The following ZNF410 variants were observed in gnomAD, a reference collection of about 807,000 sequenced individuals.
The protein encoded by ZNF410 is another partner for ARF 1.
ZNF410 carries 18 observed loss-of-function variants against 54.8 expected under a neutral mutation model. The observed-to-expected ratio is 0.33, with a 90% CI of 0.23 to 0.49. The LOEUF (loss-of-function observed/expected upper bound fraction) is 0.49. Among genes scored for constraint, ZNF410 ranks in the 20% least tolerant of loss-of-function variants. ZNF410 has a pLI of 0.99. For missense variants in ZNF410, 405 were observed against 569.6 expected (o/e 0.71, Z 2.94); for synonymous variants, 191 against 207.3 (o/e 0.92, Z 0.68).
chr14:73,910,400 C>A (rs2055558595), intron 8 of ZNF410, among the ~76,000 whole-genome samples: 2 of 152,124 alleles, frequency 1.3e-5, no homozygotes, highest in Admixed American at 1.3e-4. Context: ...TAAAGTTATA[C>A]AGCAATGGAG....
chr14:73,926,192 TA>T (rs1262232074), intron 11 of ZNF410, among the ~76,000 whole-genome samples: 1 of 152,188 alleles, frequency 6.6e-6, no homozygotes, highest in Non-Finnish European at 1.5e-5. Flanking sequence ...GATACAATAT[TA>T]AAAACTATAA....
chr14:73,888,075 G>C (rs908431966), intron 1 of ZNF410, among the ~76,000 whole-genome samples: 1 of 152,226 alleles, frequency 6.6e-6, no homozygotes, highest in African/African-American at 2.4e-5. Context: ...GACCTAAACA[G>C]GGCATTACAG....
chr14:73,890,227 C>T (rs57067992), intron 1 of ZNF410, among the ~76,000 whole-genome samples: 23,082 of 150,334 alleles, frequency 0.15, 2,313 homozygotes, highest in East Asian at 0.49. Flanking sequence ...CTTGCTCTGT[C>T]GCCCAGGCTG....
chr14:73,910,861 C>G (rs375118091), intron 8 of ZNF410, among the ~76,000 whole-genome samples: 91 of 68,622 alleles, frequency 1.3e-3, no homozygotes, highest in African/African-American at 4.5e-3. Context: ...GACCCTGTCT[C>G]AAAAAAAAAA....
At position 73,891,847 on chromosome 14, in the gene ZNF410, T is replaced by A; in HGVS notation, c.-149-180T>A. On this transcript the variant is annotated intron_variant, in intron 1 of 11. Transcript: ENST00000555044. ...GTTGAAATACTGCATCAAAGCGTAG[T>A]ATTTTTATGGGTTTTGATGCCTGTT... The A allele has an allele frequency of 1.2e-5, 7 of 587,730 alleles. No individual in the cohort carries two copies. In the South Asian group the frequency reaches 1.5e-4, roughly 13 times the overall value. 36.4% of individuals were successfully genotyped at this position (587,730 alleles called of 1,614,324 possible). A position where few individuals can be genotyped will look rare whatever the true frequency, so the allele number is the denominator to read the frequency against.
rs774528448 is a variant in ZNF410, at chr14:73,909,335, C to G, written c.914-6C>G. On this transcript the variant is annotated splice_region_variant and splice_polypyrimidine_tract_variant and intron_variant, in intron 7 of 11. Transcript: ENST00000555044. ...ACTGAGTCTTTATCTCATTTTCTGTCTCTAGGAGAGAAACCTTTCCTTTGT... is the reference window on the plus strand; with the variant it reads ...ACTGAGTCTTTATCTCATTTTCTGTGTCTAGGAGAGAAACCTTTCCTTTGT... The G allele has an allele frequency of 5.0e-6, 8 of 1,612,120 alleles. No homozygotes were observed. The highest frequency in any genetic ancestry group is 2.2e-5 in the East Asian group (1 of 44,868).
rs1313915500 is a variant in ZNF410 at position 73,930,503 on chromosome 14, T to G, written c.1399-1000T>G. ...ACTGTATAAATTACCTTCATCCAAA[T>G]TAGGATCACCAAGTAAATACATCTC... On this transcript the variant is annotated intron_variant, in intron 11 of 11. Transcript: ENST00000555044. 2.6e-5 allele frequency among the ~76,000 whole-genome samples: 4 copies of G among 151,954 alleles called. No homozygotes were observed. In the East Asian group the frequency reaches 7.7e-4, roughly 29 times the overall value.
At chr14:73,914,278 A>T (rs11628268) in intron 8 of ZNF410, 49,570 of 151,794 alleles carry the variant, frequency 0.33, 9,360 homozygotes, top group Non-Finnish European at 0.42. Flanking sequence ...GGTTCAAGTG[A>T]TTCTCCTGGC....
At chr14:73,914,070 C>G (rs2055626658) in intron 8 of ZNF410, 1 of 152,186 alleles carries the variant, frequency 6.6e-6, no homozygotes. Flanking sequence ...CATGGTCTCC[C>G]TCTGTTGCTC....
At chr14:73,917,617 G>A (rs574010359) in intron 8 of ZNF410, among the ~76,000 whole-genome samples, 25 of 152,132 alleles carry the variant, frequency 1.6e-4, no homozygotes, top group Non-Finnish European at 2.6e-4. Context: ...GAGGTCAGGA[G>A]TTCAAAACCA....
At chr14:73,889,383 G>T (rs1954205835) in intron 1 of ZNF410, among the ~76,000 whole-genome samples, 2 of 141,218 alleles carry the variant, frequency 1.4e-5, no homozygotes, top group South Asian at 4.8e-4. Context: ...CACTGGCTGA[G>T]ATCGCGCCAC....
chr14:73,919,934 T>G (rs1367743577), intron 8 of ZNF410, among the ~76,000 whole-genome samples: 1 of 141,610 alleles, frequency 7.1e-6, no homozygotes, highest in African/African-American at 2.6e-5. Flanking sequence ...TACTGCAGTA[T>G]CTATAGCTTT....
rs1053941729 is a variant in ZNF410 at position 73,894,407 on chromosome 14, T to C, written c.169+475T>C. ...GATGGAAAGTCAGGCTGCAGTGACT[T>C]GAGTATACATACTTGCTTTTTTTTT... On this transcript the variant is annotated intron_variant, in intron 3 of 11. Transcript: ENST00000555044. The C allele has an allele frequency of 7.1e-6, 5 of 700,008 alleles. No individual in the cohort carries two copies. In the African/African-American group the frequency reaches 8.8e-5, roughly 12 times the overall value. The allele number at this position is 700,008 out of a possible 1,614,324, so 43.4% of individuals were successfully genotyped here. A position where few individuals can be genotyped will look rare whatever the true frequency, so the allele number is the denominator to read the frequency against.
intron 1 of ZNF410, among the ~76,000 whole-genome samples, chr14:73,889,819 CAG>C (rs1396386847): frequency 6.9e-6 from 1 of 144,060 alleles, no homozygotes; most frequent in African/African-American, 2.6e-5. Context: ...TTTCTCGACA[CAG>C]AGTCTTGCTC....
intron 9 of ZNF410, 172 bp downstream of exon 9, chr14:73,921,277 C>T: frequency 1.4e-6 from 1 of 701,294 alleles, no homozygotes. Flanking sequence ...GAATCATCTG[C>T]AACCTTTTAA....
chr14:73,925,617 A>G (rs150841607), intron 11 of ZNF410, among the ~76,000 whole-genome samples: 9,120 of 152,054 alleles, frequency 0.06, 354 homozygotes, highest in African/African-American at 0.11. Flanking sequence ...TATTAGAGAT[A>G]GGGTTTTACC....
chr14:73,926,779 T>C (rs778867212), intron 11 of ZNF410, among the ~76,000 whole-genome samples: 1 of 152,164 alleles, frequency 6.6e-6, no homozygotes, highest in Non-Finnish European at 1.5e-5. Flanking sequence ...ACATTCTGGT[T>C]TTGGCTGATT....
chr14:73,899,006 C>A (rs2055365181), intron 5 of ZNF410, among the ~76,000 whole-genome samples: 1 of 152,164 alleles, frequency 6.6e-6, no homozygotes. Context: ...TGTAGCATGT[C>A]ATGGATACTT....
At chr14:73,906,697 T>C (rs2055495757) in intron 7 of ZNF410, among the ~76,000 whole-genome samples, 1 of 151,962 alleles carries the variant, frequency 6.6e-6, no homozygotes, top group African/African-American at 2.4e-5. Flanking sequence ...CAGGCTGTTC[T>C]CGAATTCCTG....
Sources: allele counts gnomAD v4.1 joint callset (sites outside exome capture counted in the v4.1 genomes callset), GRCh38; gene constraint gnomAD v4.1.1; transcripts MANE v1.5; gene names NCBI Gene and HGNC (gene_info 2026-07-23, HGNC 2026-07-21).